SLC38A6: variants seen among roughly 807,000 people sequenced by gnomAD.
The protein encoded by SLC38A6 is solute carrier family 38 member 6.
In SLC38A6, 73 loss-of-function variants were observed where a neutral mutation model predicts 65.0. The ratio of observed to expected loss-of-function variants is 1.12; its 90% confidence interval spans 0.93 to 1.37. The LOEUF is 1.37. Among genes scored for constraint, SLC38A6 ranks in the 40% most tolerant of loss-of-function variants. The pLI is 0.00. For missense variants in SLC38A6, 561 were observed against 531.1 expected, an observed-to-expected ratio of 1.06 and a Z score of -0.55; for synonymous variants, 183 against 178.8, an observed-to-expected ratio of 1.02 and a Z score of -0.19.
At chr14:60,999,739 C>T (rs2038570877) in intron 3 of SLC38A6, among the ~76,000 whole-genome samples, 1 of 152,146 alleles carries the variant, frequency 6.6e-6, no homozygotes, top group South Asian at 2.1e-4. Context: ...GCAACATGAC[C>T]TCTGAGGCAG....
intron 10 of SLC38A6, among the ~76,000 whole-genome samples, chr14:61,044,521 A>G (rs186779620): frequency 6.6e-6 from 1 of 152,156 alleles, no homozygotes; most frequent in South Asian, 2.1e-4. Flanking sequence ...AACCCCCTTC[A>G]GATATTTTAA....
chr14:61,039,124 G>A (rs139772588), intron 8 of SLC38A6, among the ~76,000 whole-genome samples: 1 of 152,238 alleles, frequency 6.6e-6, no homozygotes, highest in Non-Finnish European at 1.5e-5. Context: ...CAGGTTAAAT[G>A]TATTGATATG....
At chr14:61,067,673 C>T (rs1234644716) in intron 15 of SLC38A6, among the ~76,000 whole-genome samples, 1 of 151,944 alleles carries the variant, frequency 6.6e-6, no homozygotes, top group Non-Finnish European at 1.5e-5. Context: ...TGTTGATTTA[C>T]ATTTTTTAAA....
chr14:61,046,230 C>G (rs2042140845), intron 12 of SLC38A6, 63 bp downstream of exon 12: 1 of 1,077,988 alleles, frequency 9.3e-7, no homozygotes, highest in African/African-American at 1.6e-5. Context: ...TCACGCCAAT[C>G]TATAGACTTT....
chr14:61,075,822 TG>T (rs2043389702), intron 15 of SLC38A6, among the ~76,000 whole-genome samples: 1 of 150,260 alleles, frequency 6.7e-6, no homozygotes, highest in East Asian at 2.0e-4. Flanking sequence ...TGTGTGTGTG[TG>T]TGTGTGTGTA....
chr14:61,037,234 C>T (rs955933995), intron 7 of SLC38A6, 93 bp downstream of exon 7: 8 of 924,594 alleles, frequency 8.7e-6, no homozygotes, highest in Non-Finnish European at 1.3e-5. Flanking sequence ...TAAAATTTCA[C>T]AGTACCACAT....
chr14:61,016,818 A>C (rs1390177208), intron 4 of SLC38A6, among the ~76,000 whole-genome samples: 4 of 152,208 alleles, frequency 2.6e-5, no homozygotes, highest in Non-Finnish European at 5.9e-5. Flanking sequence ...TATGGACAAC[A>C]TGTCATTTTG....
chr14:61,044,678 C>T (rs1387161987), intron 10 of SLC38A6, among the ~76,000 whole-genome samples: 1 of 152,074 alleles, frequency 6.6e-6, no homozygotes, highest in African/African-American at 2.4e-5. Flanking sequence ...GGTATTTTCA[C>T]TTAAATGGTA....
chr14:60,991,651 A>T (rs2037898802), intron 3 of SLC38A6, among the ~76,000 whole-genome samples: 1 of 152,152 alleles, frequency 6.6e-6, no homozygotes. Context: ...CCAGTTTCCC[A>T]CATGACTTTG....
At position 61,004,399 on chromosome 14, in the gene SLC38A6, A is replaced by G. The variant is rs1453996165; in HGVS notation, c.311-11505A>G. 5 of 152,304 alleles carry G rather than the reference A, an allele frequency of 3.3e-5. No individual in the cohort carries two copies. The Middle Eastern group carries it at 0.01, about 311-fold the overall frequency. 9.4% of individuals were successfully genotyped at this position (152,304 alleles called of 1,614,324 possible). A position where few individuals can be genotyped will look rare whatever the true frequency, so the allele number is the denominator to read the frequency against. Reference sequence around the variant, plus strand: ...TGTTTGATATATCCCCATATGTAACACTGAAAAGCCTTCTTGCTCTAGATT... The same window carrying G: ...TGTTTGATATATCCCCATATGTAACGCTGAAAAGCCTTCTTGCTCTAGATT... On this transcript the variant is annotated intron_variant, in intron 3 of 15. Coordinates refer to ENST00000267488, the MANE Select transcript of SLC38A6 (RefSeq NM_153811.3).
chr14:60,997,079 A>T (rs1421308928), intron 3 of SLC38A6, among the ~76,000 whole-genome samples: 1 of 152,168 alleles, frequency 6.6e-6, no homozygotes, highest in Admixed American at 6.5e-5. Flanking sequence ...ATAACTAAGC[A>T]GCAGATCTAA....
intron 3 of SLC38A6, chr14:60,987,390 T>G (rs2037528384): frequency 6.5e-6 from 1 of 153,028 alleles, no homozygotes; most frequent in Non-Finnish European, 1.5e-5. Context: ...TTTATAAAAG[T>G]AAAGGATTTC....
intron 16 of SLC38A6, among the ~76,000 whole-genome samples, chr14:61,079,417 G>A (rs1039182071): frequency 4.6e-5 from 7 of 151,808 alleles, no homozygotes; most frequent in African/African-American, 1.5e-4. Flanking sequence ...GATTACAGGT[G>A]TGAGCCACTG....
chr14:61,011,626 T>C (rs778954665), intron 3 of SLC38A6, among the ~76,000 whole-genome samples: 4 of 152,262 alleles, frequency 2.6e-5, no homozygotes, highest in Non-Finnish European at 5.9e-5. Context: ...CTTTTCTGCA[T>C]CTATTGAGAT....
At chr14:61,022,481 A>G (rs1399959355) in intron 5 of SLC38A6, among the ~76,000 whole-genome samples, 2 of 149,494 alleles carry the variant, frequency 1.3e-5, no homozygotes, top group Admixed American at 1.3e-4. Context: ...ATATATATAT[A>G]TACAGTTTTA....
At chr14:61,007,320 T>TAAAAA (rs142802850) in intron 3 of SLC38A6, among the ~76,000 whole-genome samples, 1 of 149,900 alleles carries the variant, frequency 6.7e-6, no homozygotes, top group African/African-American at 2.5e-5. Flanking sequence ...ACTTTAATAA[T>TAAAAA]AATAAAATAA....
At chr14:61,074,293 C>T (rs1566735192) in intron 15 of SLC38A6, among the ~76,000 whole-genome samples, 1 of 152,234 alleles carries the variant, frequency 6.6e-6, no homozygotes, top group African/African-American at 2.4e-5. Context: ...GTAAAAGTCA[C>T]CATCTACCTT....
chr14:60,987,934 C>G (rs2037575306), intron 3 of SLC38A6, among the ~76,000 whole-genome samples: 1 of 152,210 alleles, frequency 6.6e-6, no homozygotes, highest in African/African-American at 2.4e-5. Context: ...TTGTGTTAGT[C>G]ATTTCAAGTA....
intron 3 of SLC38A6, among the ~76,000 whole-genome samples, chr14:61,003,638 G>T (rs905631720): frequency 6.6e-6 from 1 of 152,168 alleles, no homozygotes; most frequent in African/African-American, 2.4e-5. Context: ...TTTCCCTAGT[G>T]TTGATTTGGT....
Sources: gnomAD v4.1 joint callset for allele counts (sites outside exome capture counted in the v4.1 genomes callset) on GRCh38, gnomAD v4.1.1 for gene constraint, MANE v1.5 for transcripts, NCBI Gene and HGNC (gene_info 2026-07-23, HGNC 2026-07-21) for gene names.